ARHGAP26: variants seen among roughly 807,000 people sequenced by gnomAD.
The protein encoded by ARHGAP26 is rho GTPase-activating protein 26.
Under a neutral mutation model 104.8 loss-of-function variants are expected in ARHGAP26, and 38 were observed. That is an observed-to-expected ratio of 0.36 (90% CI 0.28 to 0.48). The LOEUF is 0.48. ARHGAP26 is among the 20% of genes least tolerant of loss of function. ARHGAP26 has a pLI of 0.99. For missense variants in ARHGAP26, 704 were observed against 947.9 expected (o/e 0.74, Z 3.38); for synonymous variants, 341 against 340.0 (o/e 1.00, Z -0.03).
intron 17 of ARHGAP26, among the ~76,000 whole-genome samples, chr5:143,062,800 C>T (rs986428344): frequency 1.3e-5 from 2 of 152,146 alleles, no homozygotes; most frequent in African/African-American, 4.8e-5. Flanking sequence ...TTTAGATACT[C>T]TAATATTCCC....
At chr5:142,971,665 C>A (rs1598436216) in intron 11 of ARHGAP26, among the ~76,000 whole-genome samples, 1 of 152,054 alleles carries the variant, frequency 6.6e-6, no homozygotes, top group Non-Finnish European at 1.5e-5. Context: ...AAAAAAGTCT[C>A]GTGTATTGTT....
At chr5:143,210,356 C>G (rs1457836019) in intron 21 of ARHGAP26, among the ~76,000 whole-genome samples, 1 of 151,924 alleles carries the variant, frequency 6.6e-6, no homozygotes, top group Non-Finnish European at 1.5e-5. Context: ...AAGACCGTCC[C>G]CAGTGATTCA....
intron 20 of ARHGAP26, among the ~76,000 whole-genome samples, chr5:143,166,840 A>C (rs1802026069): frequency 6.6e-6 from 1 of 152,236 alleles, no homozygotes; most frequent in Non-Finnish European, 1.5e-5. Context: ...GCAGACAATT[A>C]CAACAAACTT....
chr5:142,905,952 A>G (rs1370342510), intron 8 of ARHGAP26, among the ~76,000 whole-genome samples: 4 of 152,196 alleles, frequency 2.6e-5, no homozygotes, highest in Non-Finnish European at 5.9e-5. Flanking sequence ...CTCATACTGC[A>G]TTTAGTTGTC....
intron 11 of ARHGAP26, among the ~76,000 whole-genome samples, chr5:142,987,544 T>C (rs1449376731): frequency 1.3e-5 from 2 of 151,914 alleles, no homozygotes; most frequent in African/African-American, 2.4e-5. Context: ...TGAATAGGAG[T>C]GGTGAGAGAG....
At chr5:142,801,129 T>G (rs1385741842) in intron 1 of ARHGAP26, among the ~76,000 whole-genome samples, 4 of 152,218 alleles carry the variant, frequency 2.6e-5, no homozygotes, top group Non-Finnish European at 5.9e-5. Flanking sequence ...ACAGGTCTGA[T>G]TGCTTTTTCT....
chr5:142,912,304 A>G (rs904148840), intron 9 of ARHGAP26, among the ~76,000 whole-genome samples: 1 of 152,244 alleles, frequency 6.6e-6, no homozygotes, highest in Non-Finnish European at 1.5e-5. Context: ...AAAAAGCCAG[A>G]CAAAAAGAGC....
intron 11 of ARHGAP26, among the ~76,000 whole-genome samples, chr5:142,990,419 G>T (rs1775415584): frequency 6.6e-6 from 1 of 152,174 alleles, no homozygotes; most frequent in South Asian, 2.1e-4. Flanking sequence ...TTAACTCAGA[G>T]AAGTTTATTC....
intron 1 of ARHGAP26, among the ~76,000 whole-genome samples, chr5:142,776,550 C>T (rs930876145): frequency 7.9e-5 from 12 of 152,138 alleles, no homozygotes; most frequent in African/African-American, 2.9e-4. Context: ...GTTTGAGGCT[C>T]ATCGTGTTGT....
rs1756615480 is a variant in ARHGAP26 at position 142,879,426 on chromosome 5, A to T, written c.365A>T (p.Glu122Val). 1 of 1,613,770 alleles carries T rather than the reference A, an allele frequency of 6.2e-7. No individual in the cohort carries two copies. Among genetic ancestry groups the T allele is most frequent in the Non-Finnish European group, 8.5e-7 (1 of 1,179,908 alleles). ...LITPLEKFRK[E>V]QIGAAKEAKK... ...ACTCCCTTGGAGAAGTTTCGAAAGG[A>T]ACAGATCGGGGCTGCCAAGGTGAGA... The change falls in exon 4 of 23, where the codon GAA becomes GTA. Residue 122 changes from glutamate to valine, a missense_variant. Around this residue, in one of 6 missense-constraint regions of ARHGAP26, gnomAD observed 106 missense variants for 120.5 expected, o/e 0.88. Coordinates refer to ENST00000645722, the MANE Select transcript of ARHGAP26 (RefSeq NM_001135608.3).
At chr5:143,206,100 A>G (rs1808502883) in intron 20 of ARHGAP26, among the ~76,000 whole-genome samples, 1 of 152,218 alleles carries the variant, frequency 6.6e-6, no homozygotes, top group African/African-American at 2.4e-5. Context: ...ACCCTAGGGA[A>G]GTCCCAGTAA....
intron 1 of ARHGAP26, among the ~76,000 whole-genome samples, chr5:142,818,217 T>TAAA (rs35009928): frequency 1.1e-4 from 16 of 140,862 alleles, no homozygotes; most frequent in East Asian, 4.1e-4. Context: ...CCAATTATTG[T>TAAA]AAAAAAAAAA....
At position 143,157,864 on chromosome 5, in the gene ARHGAP26, T is replaced by C. The variant is rs562108772; in HGVS notation, c.1988+10483T>C. On this transcript the variant is annotated intron_variant, in intron 20 of 22. Transcript: ENST00000645722. ...GCAGGGCAAAGCCTGTGTGGCCTGATTGTGGATCTACCAGGGTCAAGCCTC... is the reference window on the plus strand; with the variant it reads ...GCAGGGCAAAGCCTGTGTGGCCTGACTGTGGATCTACCAGGGTCAAGCCTC... Among the ~76,000 whole-genome samples the C allele has an allele frequency of 3.9e-5, 6 of 152,330 alleles. No individual in the cohort carries two copies. In the South Asian group the frequency reaches 1.2e-3, roughly 32 times the overall value.
intron 20 of ARHGAP26, among the ~76,000 whole-genome samples, chr5:143,195,520 C>T (rs1451643574): frequency 6.6e-6 from 1 of 152,188 alleles, no homozygotes. Context: ...TGTTGTGCAG[C>T]TTACTCAGAA....
At chr5:143,056,150 C>A in intron 16 of ARHGAP26, 64 bp downstream of exon 16, 1 of 1,382,054 alleles carries the variant, frequency 7.2e-7, no homozygotes, top group Non-Finnish European at 1.0e-6. Flanking sequence ...AAAGAAGAGT[C>A]AGTATCCCAA....
intron 17 of ARHGAP26, among the ~76,000 whole-genome samples, chr5:143,100,385 C>T (rs1163386762): frequency 1.3e-5 from 2 of 152,152 alleles, no homozygotes; most frequent in Non-Finnish European, 1.5e-5. Flanking sequence ...TGGGAAATAG[C>T]GAAGGAACAT....
chr5:142,921,040 C>T (rs1763122284), intron 10 of ARHGAP26, among the ~76,000 whole-genome samples: 1 of 152,202 alleles, frequency 6.6e-6, no homozygotes, highest in African/African-American at 2.4e-5. Context: ...ACTTTCTTAA[C>T]AGACCTCATC....
At chr5:143,198,148 G>A (rs1807155076) in intron 20 of ARHGAP26, among the ~76,000 whole-genome samples, 1 of 152,150 alleles carries the variant, frequency 6.6e-6, no homozygotes, top group Non-Finnish European at 1.5e-5. Flanking sequence ...TGTTACTTGA[G>A]TGAATTTGTT....
rs547511060 is a variant in ARHGAP26, at chr5:142,961,349, G to A, written c.1107+29224G>A. Reference sequence around the variant, plus strand: ...CTACAAAAAATACAAAAAACTAGCCGGGCATGGTGGTGTGCACCTGCAGTT... The same window carrying A: ...CTACAAAAAATACAAAAAACTAGCCAGGCATGGTGGTGTGCACCTGCAGTT... On this transcript the variant is annotated intron_variant, in intron 11 of 22. Coordinates refer to ENST00000645722, the MANE Select transcript of ARHGAP26 (RefSeq NM_001135608.3). Among the ~76,000 whole-genome samples, 58 of 152,212 alleles carry A rather than the reference G, an allele frequency of 3.8e-4. No homozygotes were observed. The South Asian group carries it at 5.4e-3, about 14-fold the overall frequency.
Sources: allele counts gnomAD v4.1 joint callset (sites outside exome capture counted in the v4.1 genomes callset), GRCh38; gene constraint gnomAD v4.1.1; regional missense constraint gnomAD v4.1.1; transcripts MANE v1.5; gene names NCBI Gene and HGNC (gene_info 2026-07-23, HGNC 2026-07-21).